The following MAP7D3 variants were observed in gnomAD, a reference collection of about 807,000 sequenced individuals.
MAP7D3 encodes the protein MAP7 domain-containing protein 3.
A neutral mutation model predicts 62.2 loss-of-function variants in MAP7D3; 45 were observed. That is an observed-to-expected ratio of 0.72 (90% CI 0.57 to 0.93). The LOEUF (loss-of-function observed/expected upper bound fraction) is 0.93. Ranked by LOEUF, MAP7D3 falls within the 40% of genes least tolerant of loss-of-function variation. The probability of loss-of-function intolerance (pLI) is 0.00; values close to 1 mark genes in which losing one functional copy is unlikely to be tolerated. For synonymous variants in MAP7D3, 288 were observed against 248.8 expected, an observed-to-expected ratio of 1.16 and a Z score of -1.48; for missense variants, 711 against 683.1, an observed-to-expected ratio of 1.04 and a Z score of -0.45.
At chrX:136,251,425 C>G, upstream of MAP7D3, 7 of 854,366 alleles carry the variant, frequency 8.2e-6, no homozygotes, top group Non-Finnish European at 1.0e-5. Context: ...GCGGCCTCCG[C>G]TTGGGTCGTG....
In MAP7D3 at chrX:136,230,546, G is replaced by C. The variant is rs768621620; in HGVS notation, c.1589C>G (p.Ser530Ter). The C allele has an allele frequency of 1.7e-6, 2 of 1,202,116 alleles. No individual in the cohort carries two copies. Among genetic ancestry groups the C allele is most frequent in the Non-Finnish European group, 2.3e-6 (2 of 888,205 alleles). ...AAAAGAAGTCTGTGGTGACTGTTTT[G>C]AAATAAGTGGTAATGGTGATGGAGG... ...NCPPSPLPLI[S>*]KQSPQTSFPY... The change falls in exon 10 of 19, where the codon TCA becomes TGA. Residue 530 changes from serine to a stop codon, truncating the protein, a stop_gained. Coordinates refer to ENST00000316077, the MANE Select transcript of MAP7D3 (RefSeq NM_024597.4). LOFTEE classifies it high-confidence loss of function.
chrX:136,219,487 T>C lies in MAP7D3; in HGVS notation c.2574A>G (p.Thr858=), dbSNP rs2074098060. 1 of 1,202,818 alleles carries C rather than the reference T, an allele frequency of 8.3e-7. No individual in the cohort carries two copies. Among genetic ancestry groups the C allele is most frequent in the Admixed American group, 2.2e-5 (1 of 45,786 alleles). ...TNTTSRSSAQ[T]KSEGFHDILP... ...AGATGTCATGGAATCCTTCAGATTT[T>C]GTTTGTGCCTGTCAGGAGAAAAATG... Residue 858 remains threonine (T), a synonymous_variant, in exon 18 of 19, where the codon ACA becomes ACG. Coordinates refer to ENST00000316077, the MANE Select transcript of MAP7D3 (RefSeq NM_024597.4).
intron 14 of MAP7D3, 142 bp from the exon 15 acceptor site, chrX:136,222,628 T>A: frequency 2.1e-6 from 1 of 469,415 alleles, no homozygotes; most frequent in Non-Finnish European, 3.6e-6. Context: ...TAACCTCTTT[T>A]AACTGGCCCC....
intron 7 of MAP7D3, among the ~76,000 whole-genome samples, chrX:136,235,705 C>T (rs1432807204): frequency 2.7e-5 from 3 of 110,085 alleles, no homozygotes; most frequent in African/African-American, 9.9e-5. Flanking sequence ...GCTGAGATGG[C>T]GCCACTGCCC....
chrX:136,221,526 C>T (rs775920044), intron 15 of MAP7D3, among the ~76,000 whole-genome samples: 1 of 111,545 alleles, frequency 9.0e-6, no homozygotes, highest in African/African-American at 3.3e-5. Flanking sequence ...GGGGTTTCAC[C>T]GTGTTAGCCA....
At chrX:136,222,047 A>T (rs1449839549) in intron 15 of MAP7D3, among the ~76,000 whole-genome samples, 1 of 112,717 alleles carries the variant, frequency 8.9e-6, no homozygotes, top group African/African-American at 3.2e-5. Flanking sequence ...ACCTGTGGTC[A>T]ACATGGATGC....
At chrX:136,224,010 C>T (rs2148400647) in intron 14 of MAP7D3, among the ~76,000 whole-genome samples, 1 of 101,057 alleles carries the variant, frequency 9.9e-6, no homozygotes, top group Admixed American at 1.1e-4. Context: ...CATGATTGCG[C>T]CACTGTGTTC....
At chrX:136,223,763 G>A (rs1267249383) in intron 14 of MAP7D3, among the ~76,000 whole-genome samples, 1 of 111,384 alleles carries the variant, frequency 9.0e-6, no homozygotes, top group Non-Finnish European at 1.9e-5. Context: ...AATGCAGGGT[G>A]TGGTGGCTCA....
intron 1 of MAP7D3, 97 bp downstream of exon 1, chrX:136,251,192 G>A: frequency 1.3e-6 from 1 of 756,274 alleles, no homozygotes; most frequent in South Asian, 2.7e-5. Flanking sequence ...GAAAAGTTTT[G>A]TGGCGCCCGC....
chrX:136,241,953 T>C (rs1400443671), intron 4 of MAP7D3, among the ~76,000 whole-genome samples: 1 of 111,683 alleles, frequency 9.0e-6, no homozygotes, highest in Non-Finnish European at 1.9e-5. Context: ...CTCTCAAATA[T>C]TTCTCATCCT....
chrX:136,218,369 C>T lies in MAP7D3; in HGVS notation c.*157G>A, dbSNP rs1054523750. ...CTTTTGACAGTTTCTTTCAATTTTTCGGTGTCACTTCCTTTACCAGGTTCA... is the reference window on the plus strand; with the variant it reads ...CTTTTGACAGTTTCTTTCAATTTTTTGGTGTCACTTCCTTTACCAGGTTCA... On this transcript the variant is annotated 3_prime_UTR_variant, in exon 19 of 19. Coordinates refer to ENST00000316077, the MANE Select transcript of MAP7D3 (RefSeq NM_024597.4). 2 of 112,196 alleles carry T rather than the reference C, an allele frequency of 1.8e-5. No homozygotes were observed. Among genetic ancestry groups the T allele is most frequent in the East Asian group, 2.8e-4 (1 of 3,579 alleles). 9.2% of individuals were successfully genotyped at this position (112,196 alleles called of 1,213,427 possible). A position where few individuals can be genotyped will look rare whatever the true frequency, so the allele number is the denominator to read the frequency against.
chrX:136,224,560 A>T (rs908850723), intron 14 of MAP7D3, among the ~76,000 whole-genome samples: 1 of 111,417 alleles, frequency 9.0e-6, no homozygotes, highest in Non-Finnish European at 1.9e-5. Flanking sequence ...TAACCAAAAA[A>T]GAAGCAGTAT....
At chrX:136,242,796 C>A (rs1052902017) in intron 4 of MAP7D3, among the ~76,000 whole-genome samples, 1 of 111,974 alleles carries the variant, frequency 8.9e-6, no homozygotes, top group Non-Finnish European at 1.9e-5. Flanking sequence ...TTACTTAGTT[C>A]TTGGTTCTTT....
At position 136,217,262 on chromosome X, in the gene MAP7D3, G is replaced by C. The variant is rs1224736268; in HGVS notation, c.*1264C>G. ...CGAACTCACTGGCAGCCAGTGGCTA[G>C]AGAAAGGCAAGCAAATTTTGGTTGT... On this transcript the variant is annotated 3_prime_UTR_variant, in exon 19 of 19. Transcript: ENST00000316077. The C allele has an allele frequency of 8.9e-6, 1 of 112,425 alleles. No homozygotes were observed. The highest frequency in any genetic ancestry group is 1.9e-5 in the Non-Finnish European group (1 of 53,265). 9.3% of individuals were successfully genotyped at this position (112,425 alleles called of 1,213,427 possible). A position where few individuals can be genotyped will look rare whatever the true frequency, so the allele number is the denominator to read the frequency against.
intron 4 of MAP7D3, 152 bp downstream of exon 4, chrX:136,244,480 T>C (rs1373038315): frequency 2.1e-6 from 1 of 476,682 alleles, no homozygotes; most frequent in Non-Finnish European, 3.5e-6. Context: ...AAAGCCTATA[T>C]AATGCTGAGG....
chrX:136,245,036 T>C (rs1459015889), intron 3 of MAP7D3, among the ~76,000 whole-genome samples: 1 of 112,424 alleles, frequency 8.9e-6, no homozygotes, highest in Non-Finnish European at 1.9e-5. Flanking sequence ...ATGACTCTCA[T>C]CCTGTCCAAA....
At chrX:136,247,620 C>T (rs2074463229) in intron 1 of MAP7D3, among the ~76,000 whole-genome samples, 1 of 106,397 alleles carries the variant, frequency 9.4e-6, no homozygotes, top group Non-Finnish European at 1.9e-5. Context: ...CCCCAGAGGC[C>T]GAACAGCCCA....
At chrX:136,242,780 G>A (rs950563114) in intron 4 of MAP7D3, among the ~76,000 whole-genome samples, 3 of 111,567 alleles carry the variant, frequency 2.7e-5, no homozygotes, top group Non-Finnish European at 3.8e-5. Context: ...CACTTTCTTT[G>A]GTTCTTTACT....
At chrX:136,243,076 G>A (rs950465861) in intron 4 of MAP7D3, among the ~76,000 whole-genome samples, 6 of 111,104 alleles carry the variant, frequency 5.4e-5, no homozygotes, top group Admixed American at 1.9e-4. Context: ...TAGGGTGCAG[G>A]GCTGGAGAGG....
Sources: gnomAD v4.1 joint callset for allele counts (sites outside exome capture counted in the v4.1 genomes callset) on GRCh38, gnomAD v4.1.1 for gene constraint, MANE v1.5 for transcripts, NCBI Gene and HGNC (gene_info 2026-07-23, HGNC 2026-07-21) for gene names.